CDAN1: variants seen among roughly 807,000 people sequenced by gnomAD.
The protein encoded by CDAN1 is codanin 1.
A neutral mutation model predicts 139.8 loss-of-function variants in CDAN1; 107 were observed. The observed-to-expected ratio is 0.77, with a 90% CI of 0.65 to 0.90. The LOEUF (loss-of-function observed/expected upper bound fraction) is 0.90. Ranked by LOEUF, CDAN1 falls within the 40% of genes least tolerant of loss-of-function variation. CDAN1 has a pLI of 0.00. For synonymous variants in CDAN1, 776 were observed against 660.6 expected (o/e 1.17, Z -2.68); for missense variants, 1,667 against 1,575.7 (o/e 1.06, Z -0.98).
rs556129044 is a variant in CDAN1, at chr15:42,733,317, C to T, written c.1368-131G>A. ...GAGATGGAGTCTTGCTCTTGTCACT[C>T]AGGCTGGATTGCAATGACGCGATCT... On this transcript the variant is annotated intron_variant, in intron 8 of 27. Transcript: ENST00000356231. 1,102 of 763,864 alleles carry T rather than the reference C, an allele frequency of 1.4e-3. 16 individuals are homozygous for T. The South Asian group carries it at 0.015, about 11-fold the overall frequency. The allele number at this position is 763,864 out of a possible 1,614,324, so 47.3% of individuals were successfully genotyped here.
At chr15:42,724,685 T>TAA in intron 27 of CDAN1, 69 bp from the exon 28 acceptor site, 2 of 1,526,284 alleles carry the variant, frequency 1.3e-6, no homozygotes, top group Non-Finnish European at 1.8e-6. Flanking sequence ...CCTTTGTCAC[T>TAA]AAAGACCACA....
At chr15:42,724,975 A>AAC (rs1385884814) in intron 27 of CDAN1, 169 bp downstream of exon 27, 1 of 699,762 alleles carries the variant, frequency 1.4e-6, no homozygotes, top group Non-Finnish European at 2.6e-6. Flanking sequence ...TCTTCCCACT[A>AAC]ACACAGTCCC....
intron 11 of CDAN1, 81 bp from the exon 12 acceptor site, chr15:42,731,412 G>T: frequency 1.3e-6 from 2 of 1,588,398 alleles, no homozygotes; most frequent in Non-Finnish European, 8.6e-7. Context: ...ACTCCAGAGG[G>T]AAGGGAGCAG....
intron 24 of CDAN1, 40 bp downstream of exon 24, chr15:42,726,270 C>T (rs1260987376): frequency 1.3e-6 from 2 of 1,594,554 alleles, no homozygotes; most frequent in East Asian, 4.5e-5. Context: ...CACACAAGGA[C>T]ACAGAAAAAA....
chr15:42,731,122 A>G, intron 12 of CDAN1, 51 bp from the exon 13 acceptor site: 1 of 1,614,150 alleles, frequency 6.2e-7, no homozygotes, highest in Non-Finnish European at 8.5e-7. Flanking sequence ...CTTCCAGAAC[A>G]ATTCCCGATC....
At chr15:42,732,517 G>C (rs1021899406) in intron 9 of CDAN1, 109 bp from the exon 10 acceptor site, 1 of 983,606 alleles carries the variant, frequency 1.0e-6, no homozygotes. Context: ...AGGGACTTGA[G>C]CAGACCTCAG....
Position 42,735,649 on chromosome 15 carries a change from G to T in CDAN1, c.804C>A (p.Pro268=), listed in dbSNP as rs191624595. The change falls in exon 4 of 28, where the codon CCC becomes CCA. Residue 268 remains proline (P), a synonymous_variant. Coordinates refer to ENST00000356231, the MANE Select transcript of CDAN1 (RefSeq NM_138477.4). ...ACCCCAATTCTGGGGTGGGACAGGT[G>T]GGGGTAGGTGACTGCTGCAGCTGCT... The part of the protein sequence containing the change: ...RSKQLQQSPT[P]TCPTPELGSP... 1.7e-4 allele frequency: 276 copies of T among 1,614,076 alleles called. 1 individual carries two copies. The Admixed American group carries it at 2.7e-3, about 16-fold the overall frequency.
rs147426809 is a variant in CDAN1 at position 42,729,130 on chromosome 15, G to T, written c.2542-4C>A. On this transcript the variant is annotated splice_polypyrimidine_tract_variant and splice_region_variant and intron_variant, in intron 18 of 27. Transcript: ENST00000356231. ...AAAAGGCCTGGGCGAGCTGTGCCTG[G>T]GGGGAGGAGGGAGAGGCAGCAAGGC... 4.3e-6 allele frequency: 7 copies of T among 1,614,080 alleles called. No homozygotes were observed. In the Admixed American group the frequency reaches 8.3e-5, roughly 19 times the overall value.
rs145756921 is a variant in CDAN1 at position 42,726,643 on chromosome 15, G to A, written c.3097-226C>T. 4.5e-3 allele frequency: 2,625 copies of A among 585,900 alleles called. 12 individuals carry two copies. The highest frequency in any genetic ancestry group is 6.4e-3 in the Non-Finnish European group (2,108 of 328,252). 36.3% of individuals were successfully genotyped at this position (585,900 alleles called of 1,614,324 possible). A position where few individuals can be genotyped will look rare whatever the true frequency, so the allele number is the denominator to read the frequency against. The stretch of plus-strand genomic sequence containing the variant: ...AGGGAACAGATGGAGGTCAGCTGAG[G>A]GACAGTAGGCTGCCATAGCATGGGA... On this transcript the variant is annotated intron_variant, in intron 23 of 27. Transcript: ENST00000356231.
At chr15:42,728,134 G>C in intron 21 of CDAN1, 70 bp downstream of exon 21, 1 of 1,589,898 alleles carries the variant, frequency 6.3e-7, no homozygotes, top group Non-Finnish European at 8.6e-7. Context: ...CCCTCCCGCA[G>C]CCTCAGACTA....
In CDAN1 at chr15:42,736,530, G is replaced by C; in HGVS notation, c.341C>G (p.Pro114Arg). ...CCTCCTGCCCCCGCGGCGGGCCAGA[G>C]GGGCCTCGGCAGCGGTGCTCTGGGC... is the stretch of plus-strand genomic sequence containing the variant. ...TEAQSTAAEA[P>R]LARRGGRRRG... Residue 114 changes from proline (P) to arginine (R), a missense_variant, in exon 2 of 28, where the codon CCT becomes CGT. Physicochemically the swap from Pro to Arg is moderately radical, Grantham distance 103 (BLOSUM62 -2). This residue lies in a region of CDAN1 where 487 missense variants were observed against 422.2 expected (regional missense o/e 1.15). Transcript: ENST00000356231. 6.9e-7 allele frequency: 1 copy of C among 1,453,662 alleles called. No homozygotes were observed. Among genetic ancestry groups the C allele is most frequent in the Non-Finnish European group, 9.0e-7 (1 of 1,105,132 alleles). The allele number at this position is 1,453,662 out of a possible 1,614,324, so 90.0% of individuals were successfully genotyped here. A position where few individuals can be genotyped will look rare whatever the true frequency, so the allele number is the denominator to read the frequency against.
rs769605831 is a variant in CDAN1, at chr15:42,726,164, C to G, written c.3205-4G>C. The G allele has an allele frequency of 6.2e-7, 1 of 1,613,786 alleles. No individual in the cohort carries two copies. Among genetic ancestry groups the G allele is most frequent in the Admixed American group, 1.7e-5 (1 of 59,990 alleles). On this transcript the variant is annotated splice_polypyrimidine_tract_variant and splice_region_variant and intron_variant, in intron 24 of 27. Coordinates refer to ENST00000356231, the MANE Select transcript of CDAN1 (RefSeq NM_138477.4). Reference sequence around the variant, plus strand: ...GCTCAGCAGGTGGGCACAGGAACTGCGGTTGGGGTGGGGGGGAAAGAGAGA... The same window carrying G: ...GCTCAGCAGGTGGGCACAGGAACTGGGGTTGGGGTGGGGGGGAAAGAGAGA...
rs759000974 is a variant in CDAN1 at position 42,731,277 on chromosome 15, G to GATCTTCA, written c.1793_1794insTGAAGAT (p.Asn599GlufsTer11). 10 of 1,614,012 alleles carry GATCTTCA rather than the reference G, an allele frequency of 6.2e-6. No individual in the cohort carries two copies. The highest frequency in any genetic ancestry group is 8.5e-6 in the Non-Finnish European group (10 of 1,180,042). ...CATGCTGGGGCAGGGCAAGACCATTGAGCTCCTGGATCTTCAAGCTCAGAC... is the reference window on the plus strand; with the variant it reads ...CATGCTGGGGCAGGGCAAGACCATTGATCTTCAAGCTCCTGGATCTTCAAGCTCAGAC... On this transcript the variant is annotated frameshift_variant, in exon 12 of 28. Coordinates refer to ENST00000356231, the MANE Select transcript of CDAN1 (RefSeq NM_138477.4). LOFTEE classifies it high-confidence loss of function.
At chr15:42,730,562 A>G (rs1296800209) in intron 14 of CDAN1, 36 bp downstream of exon 14, 1 of 1,612,212 alleles carries the variant, frequency 6.2e-7, no homozygotes. Flanking sequence ...CCGAGTCCCG[A>G]ATCCTTTCAT....
At chr15:42,734,903 G>A (rs1452216991) in intron 6 of CDAN1, among the ~76,000 whole-genome samples, 197 bp downstream of exon 6, 1 of 151,650 alleles carries the variant, frequency 6.6e-6, no homozygotes, top group East Asian at 1.9e-4. Flanking sequence ...GCAGGCGTGA[G>A]CCACCACACC....
intron 14 of CDAN1, 48 bp downstream of exon 14, chr15:42,730,550 T>C (rs775428984): frequency 6.2e-7 from 1 of 1,604,118 alleles, no homozygotes; most frequent in Admixed American, 1.7e-5. Flanking sequence ...TTGACCAATG[T>C]CCCGAGTCCC....
intron 20 of CDAN1, 99 bp from the exon 21 acceptor site, chr15:42,728,366 T>G: frequency 7.2e-7 from 1 of 1,382,194 alleles, no homozygotes. Context: ...TGGGAGGCTG[T>G]ACCTTGGAAG....
rs199753863 is a variant in CDAN1, at chr15:42,728,655, C to T, written c.2801G>A (p.Arg934Gln). Residue 934 changes from arginine to glutamine, a missense_variant, in exon 20 of 28, where the codon CGG becomes CAG. Physicochemically the swap from Arg to Gln is conservative, Grantham distance 43. Coordinates refer to ENST00000356231, the MANE Select transcript of CDAN1 (RefSeq NM_138477.4). ...CAAATGGACCAGCGCTGCTTACTCC[C>T]GCCCCAGGGCCAATGCCTGGGCCCC... is the stretch of plus-strand genomic sequence containing the variant. ...PHGAQALALG[R>Q]EFCQRKSPGA... 87 of 1,613,842 alleles carry T rather than the reference C, an allele frequency of 5.4e-5. No homozygotes were observed. The Admixed American group carries it at 8.0e-4, about 15-fold the overall frequency.
Position 42,725,742 on chromosome 15 carries a change from C to T in CDAN1, c.3269-72G>A, listed in dbSNP as rs546262465. Reference sequence around the variant, plus strand: ...GTGCGGTGACTCACACCTATAATCCCAACACTTCGGGAGGCTGAGGTGGGC... The same window carrying T: ...GTGCGGTGACTCACACCTATAATCCTAACACTTCGGGAGGCTGAGGTGGGC... On this transcript the variant is annotated intron_variant, in intron 25 of 27. Transcript: ENST00000356231. 3 of 1,507,196 alleles carry T rather than the reference C, an allele frequency of 2.0e-6. No homozygotes were observed. In the East Asian group the frequency reaches 7.0e-5, roughly 35 times the overall value. 93.4% of individuals were successfully genotyped at this position (1,507,196 alleles called of 1,614,324 possible).
Sources: gnomAD v4.1 joint callset for allele counts (sites outside exome capture counted in the v4.1 genomes callset) on GRCh38, gnomAD v4.1.1 for gene constraint, gnomAD v4.1.1 regional missense constraint, MANE v1.5 for transcripts, NCBI Gene and HGNC (gene_info 2026-07-23, HGNC 2026-07-21) for gene names.